The following NEDD9 variants were observed in gnomAD, a reference collection of about 807,000 sequenced individuals.
The protein encoded by NEDD9 is enhancer of filamentation 1.
NEDD9 carries 26 observed loss-of-function variants against 76.6 expected under a neutral mutation model. That is an observed-to-expected ratio of 0.34 (90% CI 0.25 to 0.47). The LOEUF is 0.47. Among genes scored for constraint, NEDD9 ranks in the 20% least tolerant of loss-of-function variants. The probability of loss-of-function intolerance (pLI) is 1.00; values close to 1 mark genes in which losing one functional copy is unlikely to be tolerated. For synonymous variants in NEDD9, 392 were observed against 414.2 expected (o/e 0.95, Z 0.65); for missense variants, 937 against 1,058.5 (o/e 0.89, Z 1.59).
intron 3 of NEDD9, chr6:11,249,254 G>GT: frequency 2.3e-6 from 1 of 443,136 alleles, no homozygotes; most frequent in Non-Finnish European, 4.5e-6. Context: ...ATAGGGTTAA[G>GT]TTTGACTGTG....
intron 3 of NEDD9, among the ~76,000 whole-genome samples, chr6:11,278,923 TAA>T (rs369418771): frequency 6.8e-6 from 1 of 146,244 alleles, no homozygotes; most frequent in East Asian, 2.0e-4. Context: ...GATAAAGAGT[TAA>T]AAAAAAAAAG....
rs762681360 is a variant in NEDD9 at position 11,190,975 on chromosome 6, G to A, written c.894C>T (p.Ser298=). ...CGAGTTGCGGGGGTGGGTGATTCGGGGACAGGCTCTGGTGCCTTCGAGCCA... is the reference window on the plus strand; with the variant it reads ...CGAGTTGCGGGGGTGGGTGATTCGGAGACAGGCTCTGGTGCCTTCGAGCCA... ...EPVARRHQSL[S]PNHPPPQLGQ... is the part of the protein sequence containing the mutation. The change falls in exon 5 of 7, where the codon TCC becomes TCT. Residue 298 remains serine (S), a synonymous_variant. Coordinates refer to ENST00000379446, the MANE Select transcript of NEDD9 (RefSeq NM_006403.4). This position sits in a 1 kb window ranked among gnomAD's most constrained non-coding sequence, Gnocchi z 5.8. The A allele has an allele frequency of 6.2e-7, 1 of 1,613,872 alleles. No homozygotes were observed. The highest frequency in any genetic ancestry group is 8.5e-7 in the Non-Finnish European group (1 of 1,180,020).
upstream of NEDD9, among the ~76,000 whole-genome samples, chr6:11,234,777 G>A (rs764392457): frequency 1.3e-5 from 2 of 149,330 alleles, no homozygotes; most frequent in African/African-American, 2.5e-5. Flanking sequence ...GTGCAGTGGT[G>A]CAATATCGGC....
chr6:11,200,708 T>C (rs1198192762), intron 2 of NEDD9: 3 of 1,309,148 alleles, frequency 2.3e-6, no homozygotes, highest in Non-Finnish European at 2.9e-6. Context: ...AGTGAGAATT[T>C]CAAACCAAAG....
chr6:11,291,267 G>GTTTTTTTTTTTTTTTTTTTTTT (rs869185428), intron 3 of NEDD9, among the ~76,000 whole-genome samples: 6 of 95,828 alleles, frequency 6.3e-5, no homozygotes, highest in African/African-American at 2.0e-4. Context: ...ATAGAATGAG[G>GTTTTTTTTTTTTTTTTTTTTTT]TTTTTTTTTT....
At chr6:11,336,808 C>T (rs762088618) in intron 1 of NEDD9, among the ~76,000 whole-genome samples, 2 of 152,338 alleles carry the variant, frequency 1.3e-5, no homozygotes, top group South Asian at 2.1e-4. Context: ...CACTAGAACA[C>T]GTATTAGCCT....
At position 11,213,577 on chromosome 6, in the gene NEDD9, C is replaced by A; in HGVS notation, c.163G>T (p.Val55Phe). The A allele has an allele frequency of 6.2e-7, 1 of 1,614,168 alleles. No homozygotes were observed. Among genetic ancestry groups the A allele is most frequent in the Non-Finnish European group, 8.5e-7 (1 of 1,180,022 alleles). Residue 55 changes from valine to phenylalanine, a missense_variant, in exon 2 of 7, where the codon GTC becomes TTC. Val to Phe is a conservative substitution (Grantham distance 50). Coordinates refer to ENST00000379446, the MANE Select transcript of NEDD9 (RefSeq NM_006403.4). This position sits in a 1 kb window ranked among gnomAD's most constrained non-coding sequence, Gnocchi z 5.4. ...AGAAGCTTCACCCGGTTGCCTGGGA[C>A]AATGCCTTGCCGACCGTGTAATGAG... ...LCSLHGRQGI[V>F]PGNRVKLLIG...
chr6:11,227,737 G>A (rs1443255072), intron 1 of NEDD9, among the ~76,000 whole-genome samples: 1 of 152,124 alleles, frequency 6.6e-6, no homozygotes. Context: ...CTGAGTTACA[G>A]GTATCCTTTA....
intron 3 of NEDD9, among the ~76,000 whole-genome samples, chr6:11,287,802 C>G (rs908112148): frequency 6.6e-6 from 1 of 152,140 alleles, no homozygotes; most frequent in Non-Finnish European, 1.5e-5. Context: ...AACCCATCAC[C>G]CAGCAGGTAA....
upstream of NEDD9, chr6:11,233,182 C>T (rs891107158): frequency 1.4e-5 from 7 of 514,550 alleles, no homozygotes; most frequent in East Asian, 3.3e-4. Flanking sequence ...CCCCTCCTCC[C>T]GCCTACTTTT....
At chr6:11,206,950 C>T (rs1432653331) in intron 2 of NEDD9, among the ~76,000 whole-genome samples, 1 of 152,118 alleles carries the variant, frequency 6.6e-6, no homozygotes, top group Admixed American at 6.5e-5. Flanking sequence ...CTGCATAGCC[C>T]CAAAACCCAT....
intron 1 of NEDD9, among the ~76,000 whole-genome samples, chr6:11,364,478 T>C (rs1048397305): frequency 7.2e-5 from 11 of 152,224 alleles, no homozygotes; most frequent in Non-Finnish European, 1.5e-4. Flanking sequence ...ATTATAATTA[T>C]CTCCATTTTA....
chr6:11,267,589 C>G (rs1760223423), intron 3 of NEDD9, among the ~76,000 whole-genome samples: 1 of 152,088 alleles, frequency 6.6e-6, no homozygotes, highest in Non-Finnish European at 1.5e-5. Context: ...AATACATATG[C>G]TGATTGCTGC....
intron 1 of NEDD9, among the ~76,000 whole-genome samples, chr6:11,353,740 T>G (rs1762514069): frequency 6.6e-6 from 1 of 152,216 alleles, no homozygotes. Flanking sequence ...GTGGAAAACC[T>G]GGTGACTCAA....
At chr6:11,215,888 G>A (rs1043664167) in intron 1 of NEDD9, among the ~76,000 whole-genome samples, 28 of 152,192 alleles carry the variant, frequency 1.8e-4, no homozygotes, top group Non-Finnish European at 2.2e-4. Flanking sequence ...CAAGGCATTC[G>A]GAATTGGGCC....
At position 11,357,196 on chromosome 6, in the gene NEDD9, C is replaced by T. The variant is rs62395342; in HGVS notation, c.-213-22635G>A. Among the ~76,000 whole-genome samples, 214 of 152,258 alleles carry T rather than the reference C, an allele frequency of 1.4e-3. No individual in the cohort carries two copies. In the Middle Eastern group the frequency reaches 0.017, roughly 12 times the overall value. On this transcript the variant is annotated intron_variant, in intron 1 of 3. Coordinates refer to the NEDD9 transcript ENST00000397378. ...TTGATTTGCTGGGACATTACACAAG[C>T]GTCTTCTGGCTGCTCTAACCCTTTA...
At chr6:11,326,146 C>CA (rs113503681) in intron 2 of NEDD9, among the ~76,000 whole-genome samples, 2,375 of 89,756 alleles carry the variant, frequency 0.026, 23 homozygotes, top group East Asian at 0.077. Flanking sequence ...AACCTCATCT[C>CA]AAAAAAAAAA....
chr6:11,317,038 C>CAG (rs898906595), intron 2 of NEDD9, among the ~76,000 whole-genome samples: 1 of 152,202 alleles, frequency 6.6e-6, no homozygotes, highest in Admixed American at 6.5e-5. Context: ...GTCTGAGATT[C>CAG]AGAGAGAGAG....
intron 1 of NEDD9, among the ~76,000 whole-genome samples, chr6:11,355,791 G>A (rs967495705): frequency 6.6e-5 from 10 of 151,916 alleles, no homozygotes; most frequent in Non-Finnish European, 1.0e-4. Context: ...CGCGATCTCC[G>A]CTCACTGCAA....
Sources: gnomAD v4.1 joint callset for allele counts (sites outside exome capture counted in the v4.1 genomes callset) on GRCh38, gnomAD v4.1.1 for gene constraint, Gnocchi (gnomAD v3.1) non-coding constraint, MANE v1.5 for transcripts, NCBI Gene and HGNC (gene_info 2026-07-23, HGNC 2026-07-21) for gene names.